FRAS1: variants seen among roughly 807,000 people sequenced by gnomAD.
FRAS1 encodes Fraser extracellular matrix complex subunit 1, also known as extracellular matrix organizing protein FRAS1.
Under a neutral mutation model 435.2 loss-of-function variants are expected in FRAS1, and 290 were observed. That is an observed-to-expected ratio of 0.67 (90% CI 0.61 to 0.73). The LOEUF (loss-of-function observed/expected upper bound fraction) is 0.73. Among genes scored for constraint, FRAS1 ranks in the 30% least tolerant of loss-of-function variants. The pLI, the probability that FRAS1 is intolerant of heterozygous loss-of-function variation, is 0.00. For missense variants in FRAS1, 4,860 were observed against 5,001.5 expected, an observed-to-expected ratio of 0.97 and a Z score of 0.85; for synonymous variants, 1,800 against 1,851.0, an observed-to-expected ratio of 0.97 and a Z score of 0.71.
chr4:78,484,277 T>G (rs565835821), intron 58 of FRAS1, among the ~76,000 whole-genome samples: 2 of 152,224 alleles, frequency 1.3e-5, no homozygotes, highest in Non-Finnish European at 2.9e-5. Flanking sequence ...TACCACCATT[T>G]GTTTACTCAC....
At chr4:78,356,910 A>G (rs907408911) in intron 20 of FRAS1, among the ~76,000 whole-genome samples, 11 of 152,130 alleles carry the variant, frequency 7.2e-5, no homozygotes, top group African/African-American at 2.7e-4. Flanking sequence ...AGAGAGAGAG[A>G]GATTCCCAAT....
Position 78,421,893 on chromosome 4 carries a change from C to A in FRAS1, c.4571C>A (p.Ser1524Tyr), listed in dbSNP as rs766775115. 3.1e-6 allele frequency: 5 copies of A among 1,613,952 alleles called. No homozygotes were observed. The highest frequency in any genetic ancestry group is 8.5e-7 in the Non-Finnish European group (1 of 1,179,842). The change falls in exon 34 of 74, where the codon TCT becomes TAT. Residue 1524 changes from serine (S) to tyrosine (Y), a missense_variant. By Grantham distance (144) the Ser-to-Tyr change is moderately radical. Coordinates refer to ENST00000512123, the MANE Select transcript of FRAS1 (RefSeq NM_025074.7). The stretch of plus-strand genomic sequence containing the variant: ...ATCGAGCACCGGGACCACCCTCACT[C>A]TCCTATCCGGTATTTCACGCAAGAG... ...GIIEHRDHPH[S>Y]PIRYFTQEDI...
intron 1 of FRAS1, among the ~76,000 whole-genome samples, chr4:78,061,564 G>A (rs1739762633): frequency 1.3e-5 from 2 of 152,190 alleles, no homozygotes; most frequent in South Asian, 4.1e-4. Flanking sequence ...AGGTTACATT[G>A]AAGAGGCTCA....
intron 2 of FRAS1, among the ~76,000 whole-genome samples, chr4:78,225,154 G>A (rs1435583086): frequency 6.6e-6 from 1 of 152,188 alleles, no homozygotes; most frequent in Non-Finnish European, 1.5e-5. Flanking sequence ...GCTGAGCATG[G>A]TGCTAAGGAA....
intron 21 of FRAS1, 102 bp from the exon 22 acceptor site, chr4:78,363,806 C>T: frequency 3.5e-6 from 5 of 1,448,148 alleles, no homozygotes; most frequent in Non-Finnish European, 4.7e-6. Flanking sequence ...ACCAGACTTG[C>T]CAATGTTCTC....
In FRAS1 at chr4:78,469,974, T is replaced by G. The variant is rs772536364; in HGVS notation, c.7258-4T>G. On this transcript the variant is annotated splice_polypyrimidine_tract_variant and splice_region_variant and intron_variant, in intron 50 of 73. Coordinates refer to ENST00000512123, the MANE Select transcript of FRAS1 (RefSeq NM_025074.7). Reference sequence around the variant, plus strand: ...TGAGTTTTCTTTTCTGCCCTCCCCTTCAGATTATGACAGCAGCACCTCAGC... The same window carrying G: ...TGAGTTTTCTTTTCTGCCCTCCCCTGCAGATTATGACAGCAGCACCTCAGC... 4 of 1,609,628 alleles carry G rather than the reference T, an allele frequency of 2.5e-6. No individual in the cohort carries two copies. The highest frequency in any genetic ancestry group is 3.4e-6 in the Non-Finnish European group (4 of 1,176,488).
intron 22 of FRAS1, among the ~76,000 whole-genome samples, chr4:78,369,322 A>G (rs977824584): frequency 2.0e-5 from 3 of 152,320 alleles, no homozygotes; most frequent in Non-Finnish European, 2.9e-5. Context: ...CCTGAATGTC[A>G]GAGTTATGTG....
chr4:78,211,773 T>C (rs1232348091), intron 2 of FRAS1, among the ~76,000 whole-genome samples: 1 of 152,264 alleles, frequency 6.6e-6, no homozygotes, highest in Non-Finnish European at 1.5e-5. Context: ...CATGGTGTTG[T>C]GCAACCATCA....
At position 78,429,046 on chromosome 4, in the gene FRAS1, C is replaced by CGTG. The variant is rs112867538; in HGVS notation, c.4712-49_4712-48insGTG. 4.3e-6 allele frequency: 6 copies of CGTG among 1,393,576 alleles called. No homozygotes were observed. In the African/African-American group the frequency reaches 8.5e-5, roughly 20 times the overall value. 86.3% of individuals were successfully genotyped at this position (1,393,576 alleles called of 1,614,324 possible). A position where few individuals can be genotyped will look rare whatever the true frequency, so the allele number is the denominator to read the frequency against. On this transcript the variant is annotated intron_variant, in intron 35 of 73. Coordinates refer to ENST00000512123, the MANE Select transcript of FRAS1 (RefSeq NM_025074.7). ...GATTCGTGTGTGTGTGTGCGTGTCT[C>CGTG]TGTGTGTGTGTGTGTGTCTCTGTGT...
At chr4:78,179,269 T>G (rs1209106948) in intron 2 of FRAS1, among the ~76,000 whole-genome samples, 2 of 152,194 alleles carry the variant, frequency 1.3e-5, no homozygotes, top group Non-Finnish European at 2.9e-5. Context: ...TGTTGGATCA[T>G]TTACATTTTT....
chr4:78,364,673 T>C (rs56139864), intron 22 of FRAS1, among the ~76,000 whole-genome samples: 25,444 of 152,080 alleles, frequency 0.17, 2,734 homozygotes, highest in East Asian at 0.34. Context: ...ATGGGTAAAT[T>C]TGCCTGAAAA....
At chr4:78,236,308 A>ATTTTTTTT (rs146438795) in intron 2 of FRAS1, among the ~76,000 whole-genome samples, 2 of 151,028 alleles carry the variant, frequency 1.3e-5, no homozygotes, top group Non-Finnish European at 1.5e-5. Flanking sequence ...TTATTTATTT[A>ATTTTTTTT]TTTTTTGGCT....
intron 19 of FRAS1, among the ~76,000 whole-genome samples, chr4:78,336,209 T>G (rs1343480861): frequency 4.6e-5 from 7 of 152,200 alleles, no homozygotes; most frequent in Non-Finnish European, 1.5e-5. Context: ...TCTAACTGTC[T>G]TTTTAATCTC....
chr4:78,261,914 C>T (rs779859553), intron 6 of FRAS1, among the ~76,000 whole-genome samples: 1 of 152,112 alleles, frequency 6.6e-6, no homozygotes, highest in Non-Finnish European at 1.5e-5. Context: ...AGATATTTTT[C>T]CTTTCCTACC....
chr4:78,371,083 G>GTTTT lies in FRAS1; in HGVS notation c.2869+1103_2869+1106dup, dbSNP rs1242709942. On this transcript the variant is annotated intron_variant, in intron 23 of 73. Transcript: ENST00000512123. ...CTCGAGACCACAGAATTTTTTTTCTGTTTTTTTGTTTTTTTTTTTTTTTGC... is the reference window on the plus strand; with the variant it reads ...CTCGAGACCACAGAATTTTTTTTCTGTTTTTTTTTTTGTTTTTTTTTTTTTTTGC... Among the ~76,000 whole-genome samples the GTTTT allele has an allele frequency of 1.3e-4, 17 of 127,436 alleles. No individual in the cohort carries two copies. In the South Asian group the frequency reaches 1.7e-3, roughly 13 times the overall value. The allele number at this position is 127,436 out of a possible 152,430, so 83.6% of individuals were successfully genotyped here.
intron 4 of FRAS1, among the ~76,000 whole-genome samples, chr4:78,249,736 G>A (rs979498475): frequency 3.9e-5 from 6 of 152,250 alleles, no homozygotes; most frequent in African/African-American, 1.4e-4. Flanking sequence ...GAGAGAGTGG[G>A]TACTGAAGAG....
intron 30 of FRAS1, 21 bp from the exon 31 acceptor site, chr4:78,407,642 A>G (rs769704734): frequency 3.1e-6 from 5 of 1,591,190 alleles, no homozygotes; most frequent in South Asian, 2.3e-5. Flanking sequence ...CTCACTAACT[A>G]TGTGGCCTGT....
intron 63 of FRAS1, among the ~76,000 whole-genome samples, chr4:78,509,851 A>G (rs1022364067): frequency 3.9e-5 from 6 of 152,260 alleles, no homozygotes; most frequent in Non-Finnish European, 5.9e-5. Flanking sequence ...CTAAAATTAT[A>G]TCACTGAATG....
At chr4:78,506,511 T>TG (rs1462961239) in intron 61 of FRAS1, among the ~76,000 whole-genome samples, 1 of 150,728 alleles carries the variant, frequency 6.6e-6, no homozygotes, top group African/African-American at 2.5e-5. Flanking sequence ...CTCAGGCTGC[T>TG]GCGCTAGCAG....
Sources: gnomAD v4.1 joint callset for allele counts (sites outside exome capture counted in the v4.1 genomes callset) on GRCh38, gnomAD v4.1.1 for gene constraint, MANE v1.5 for transcripts, NCBI Gene and HGNC (gene_info 2026-07-23, HGNC 2026-07-21) for gene names.